The following UNC13C variants were observed in gnomAD, a reference collection of about 807,000 sequenced individuals.
UNC13C encodes protein unc-13 homolog C.
Under a neutral mutation model 245.4 loss-of-function variants are expected in UNC13C, and 174 were observed. The observed-to-expected ratio is 0.71, with a 90% confidence interval of 0.63 to 0.80. The LOEUF is 0.80. Ranked by LOEUF, UNC13C falls within the 30% of genes least tolerant of loss-of-function variation. UNC13C has a pLI of 0.00. For synonymous variants in UNC13C, 992 were observed against 895.1 expected, an observed-to-expected ratio of 1.11 and a Z score of -1.93; for missense variants, 2,829 against 2,602.9, an observed-to-expected ratio of 1.09 and a Z score of -1.89.
intron 4 of UNC13C, among the ~76,000 whole-genome samples, chr15:54,172,241 T>C (rs985606463): frequency 5.3e-5 from 8 of 151,946 alleles, no homozygotes; most frequent in Non-Finnish European, 1.2e-4. Flanking sequence ...TTTAAAATAA[T>C]TAAAAGAGTA....
the UNC13C span, among the ~76,000 whole-genome samples, chr15:53,847,787 T>G: frequency 6.6e-6 from 1 of 152,160 alleles, no homozygotes; most frequent in Non-Finnish European, 1.5e-5. Context: ...ATAGTAAGGT[T>G]AAACATGCAC....
chr15:53,911,288 G>T, the UNC13C span: 2,254 of 152,358 alleles, frequency 0.015, 92 homozygotes, highest in East Asian at 0.12. Flanking sequence ...ACAGGATTTA[G>T]CAACAGCTGT....
At chr15:54,405,393 G>C (rs1273226764) in intron 18 of UNC13C, among the ~76,000 whole-genome samples, 1 of 152,088 alleles carries the variant, frequency 6.6e-6, no homozygotes, top group Non-Finnish European at 1.5e-5. Flanking sequence ...TAAGCCTCTA[G>C]CAAATATGCA....
chr15:54,437,482 C>A (rs996683997), intron 19 of UNC13C, among the ~76,000 whole-genome samples: 1 of 151,826 alleles, frequency 6.6e-6, no homozygotes, highest in African/African-American at 2.4e-5. Flanking sequence ...CACATTACAG[C>A]TTTTCCTTCC....
At chr15:54,102,818 C>T (rs558761225) in intron 2 of UNC13C, among the ~76,000 whole-genome samples, 1 of 152,250 alleles carries the variant, frequency 6.6e-6, no homozygotes, top group African/African-American at 2.4e-5. Context: ...TGACTCTTGT[C>T]TCATGGGGAT....
At chr15:54,224,485 T>G (rs2035317202) in intron 4 of UNC13C, among the ~76,000 whole-genome samples, 1 of 152,182 alleles carries the variant, frequency 6.6e-6, no homozygotes, top group Admixed American at 6.5e-5. Flanking sequence ...TAAATCATCT[T>G]CGGTTATGAT....
Position 54,014,152 on chromosome 15 carries a change from A to G in UNC13C, c.1249A>G (p.Lys417Glu). Residue 417 changes from lysine (K) to glutamate (E), a missense_variant, in exon 2 of 33, where the codon AAA (lysine) becomes GAA (glutamate). By Grantham distance (56) the Lys-to-Glu change is moderately conservative. Coordinates refer to ENST00000260323, the MANE Select transcript of UNC13C (RefSeq NM_001080534.3). ...DILTHDIRER[K>E]EKGIPSSQTY... ...TCTAACTCATGACATCAGAGAAAGA[A>G]AAGAGAAAGGGATACCATCCTCCCA... 6.2e-7 allele frequency: 1 copy of G among 1,613,838 alleles called. No individual in the cohort carries two copies. The highest frequency in any genetic ancestry group is 8.5e-7 in the Non-Finnish European group (1 of 1,179,818).
intron 30 of UNC13C, among the ~76,000 whole-genome samples, chr15:54,569,535 T>C (rs2056342): frequency 0.42 from 64,507 of 151,876 alleles, 13,854 homozygotes; most frequent in East Asian, 0.57. Flanking sequence ...GGATGCAGAA[T>C]CCATGGATAT....
At chr15:54,326,944 A>G (rs2038313445) in intron 14 of UNC13C, among the ~76,000 whole-genome samples, 1 of 152,038 alleles carries the variant, frequency 6.6e-6, no homozygotes. Flanking sequence ...AAGTTAGCAA[A>G]TGCTAAAAAT....
intron 4 of UNC13C, among the ~76,000 whole-genome samples, chr15:54,152,502 T>C (rs902147815): frequency 3.9e-5 from 6 of 152,194 alleles, no homozygotes; most frequent in Non-Finnish European, 8.8e-5. Context: ...AGGAAATTAA[T>C]GAATCTTAGC....
chr15:54,326,931 T>C (rs1596226188), intron 14 of UNC13C, among the ~76,000 whole-genome samples: 1 of 152,024 alleles, frequency 6.6e-6, no homozygotes, highest in Non-Finnish European at 1.5e-5. Context: ...ATTTACAACA[T>C]GAAAGTTAGC....
chr15:54,556,729 A>C (rs1008960651), intron 29 of UNC13C, among the ~76,000 whole-genome samples: 1 of 100,230 alleles, frequency 1.0e-5, no homozygotes, highest in African/African-American at 4.3e-5. Flanking sequence ...TAATAGCTTT[A>C]TAAAAGGACA....
At chr15:54,060,392 G>A (rs1388861124) in intron 2 of UNC13C, among the ~76,000 whole-genome samples, 2 of 152,234 alleles carry the variant, frequency 1.3e-5, no homozygotes, top group East Asian at 1.9e-4. Context: ...GGCCATCAGA[G>A]AAATGCAAAT....
At chr15:54,183,104 A>T (rs2033854727) in intron 4 of UNC13C, among the ~76,000 whole-genome samples, 1 of 151,934 alleles carries the variant, frequency 6.6e-6, no homozygotes, top group South Asian at 2.1e-4. Context: ...CATTTTACAA[A>T]CCCGAAAGAA....
At chr15:54,127,902 A>G (rs2031164172) in intron 2 of UNC13C, among the ~76,000 whole-genome samples, 1 of 151,402 alleles carries the variant, frequency 6.6e-6, no homozygotes, top group Non-Finnish European at 1.5e-5. Flanking sequence ...TTCAACATGT[A>G]CTAGAAGTCC....
chr15:53,951,635 T>C, the UNC13C span, among the ~76,000 whole-genome samples: 1 of 152,216 alleles, frequency 6.6e-6, no homozygotes, highest in Non-Finnish European at 1.5e-5. Context: ...TTGCTTAATC[T>C]AGCTAGTGGT....
chr15:54,325,641 G>A (rs111613365), intron 14 of UNC13C, among the ~76,000 whole-genome samples: 2,183 of 151,648 alleles, frequency 0.014, 37 homozygotes, highest in African/African-American at 0.041. Flanking sequence ...CCTCCCACTC[G>A]TGAGTGAGAA....
intron 19 of UNC13C, among the ~76,000 whole-genome samples, chr15:54,421,193 C>A (rs1237255708): frequency 1.3e-5 from 2 of 151,648 alleles, no homozygotes; most frequent in Non-Finnish European, 2.9e-5. Context: ...AGCCAAGATT[C>A]CTGGTGATTC....
rs779744526 is a variant in UNC13C, at chr15:54,338,443, A to G, written c.4667A>G (p.Tyr1556Cys). The G allele has an allele frequency of 7.4e-6, 12 of 1,613,854 alleles. No homozygotes were observed. The highest frequency in any genetic ancestry group is 1.0e-5 in the Non-Finnish European group (12 of 1,179,778). Residue 1556 changes from tyrosine (Y) to cysteine (C), a missense_variant, in exon 17 of 33, where the codon TAT (tyrosine) becomes TGT (cysteine). By Grantham distance (194) the Tyr-to-Cys change is radical. Transcript: ENST00000260323. ...VRACLDSTYKYIFDNCHELYS... is the reference protein window; with the variant it reads ...VRACLDSTYKCIFDNCHELYS... ...GCTTGCCTGGATTCTACATACAAGT[A>G]TATTTTTGACAACTGCCATGAACTC...
Sources: allele counts gnomAD v4.1 joint callset (sites outside exome capture counted in the v4.1 genomes callset), GRCh38; gene constraint gnomAD v4.1.1; transcripts MANE v1.5; gene names NCBI Gene and HGNC (gene_info 2026-07-23, HGNC 2026-07-21).